Variants in ADGRV1 observed in about 807,000 individuals in gnomAD.
ADGRV1 encodes adhesion G protein-coupled receptor V1.
ADGRV1 carries 359 observed loss-of-function variants against 596.2 expected under a neutral mutation model. The ratio of observed to expected loss-of-function variants is 0.60; its 90% CI spans 0.55 to 0.66. The LOEUF is 0.66. Among genes scored for constraint, ADGRV1 ranks in the 30% least tolerant of loss-of-function variants. ADGRV1 has a pLI of 0.00. For synonymous variants in ADGRV1, 2,681 were observed against 2,679.2 expected (o/e 1.00, Z -0.02); for missense variants, 7,274 against 7,575.6 (o/e 0.96, Z 1.48).
Position 90,688,870 on chromosome 5 carries a change from G to T in ADGRV1, c.6491-991G>T, listed in dbSNP as rs532643652. ...GCTTTCAGTGCTTGGCAACAGTCTT[G>T]TCTCTGGATCCCTTTATCTTCTTGC... On this transcript the variant is annotated intron_variant, in intron 29 of 89. Coordinates refer to ENST00000405460, the MANE Select transcript of ADGRV1 (RefSeq NM_032119.4). Among the ~76,000 whole-genome samples the T allele has an allele frequency of 9.8e-5, 15 of 152,300 alleles. 1 individual carries two copies. In the South Asian group the frequency reaches 2.9e-3, roughly 29 times the overall value.
intron 49 of ADGRV1, among the ~76,000 whole-genome samples, 193 bp downstream of exon 49, chr5:90,729,126 G>T (rs1393550429): frequency 6.6e-6 from 1 of 152,098 alleles, no homozygotes; most frequent in Non-Finnish European, 1.5e-5. Flanking sequence ...CCCTAATCTT[G>T]TGTTCTGACT....
intron 1 of ADGRV1, among the ~76,000 whole-genome samples, chr5:90,603,872 G>A (rs1191848938): frequency 3.7e-5 from 5 of 134,830 alleles, no homozygotes; most frequent in East Asian, 4.7e-4. Context: ...GGTGGTGAGC[G>A]TGCATGTGTG....
intron 1 of ADGRV1, among the ~76,000 whole-genome samples, chr5:90,581,515 C>G (rs912049065): frequency 6.6e-6 from 1 of 152,182 alleles, no homozygotes; most frequent in Admixed American, 6.5e-5. Context: ...AGTCAAGTCC[C>G]TCATCTGCAG....
At chr5:90,692,967 A>G (rs564228732) in intron 32 of ADGRV1, among the ~76,000 whole-genome samples, 181 bp downstream of exon 32, 57 of 152,282 alleles carry the variant, frequency 3.7e-4, no homozygotes, top group African/African-American at 1.3e-3. Flanking sequence ...CCTTTCATTT[A>G]TCATACCTAT....
chr5:90,962,839 T>C (rs1343104261), intron 83 of ADGRV1, among the ~76,000 whole-genome samples: 1 of 152,188 alleles, frequency 6.6e-6, no homozygotes, highest in Admixed American at 6.5e-5. Context: ...TAATAAAATA[T>C]CAAATCATAG....
intron 87 of ADGRV1, among the ~76,000 whole-genome samples, chr5:91,129,401 G>C (rs894479932): frequency 1.3e-5 from 2 of 152,160 alleles, no homozygotes; most frequent in African/African-American, 4.8e-5. Context: ...CTAGTTTAAT[G>C]ATGGGTAGGG....
chr5:90,950,723 A>T lies in ADGRV1; in HGVS notation c.17857-14692A>T, dbSNP rs930724722. ...AAATTTTGAGTAACTTAAACCATTG[A>T]GTGATGCACAGATGCTGGAGTAGCG... On this transcript the variant is annotated intron_variant, in intron 83 of 89. Transcript: ENST00000405460. Among the ~76,000 whole-genome samples the T allele has an allele frequency of 2.0e-5, 3 of 152,224 alleles. No individual in the cohort carries two copies. In the South Asian group the frequency reaches 6.2e-4, roughly 31 times the overall value.
intron 21 of ADGRV1, among the ~76,000 whole-genome samples, chr5:90,669,509 A>G (rs1470502865): frequency 6.6e-6 from 1 of 152,234 alleles, no homozygotes. Flanking sequence ...TGTTGTACAC[A>G]TTAAATATTT....
chr5:90,566,176 A>G (rs1755609674), intron 1 of ADGRV1, among the ~76,000 whole-genome samples: 1 of 151,968 alleles, frequency 6.6e-6, no homozygotes, highest in African/African-American at 2.4e-5. Flanking sequence ...TTGTTGAATT[A>G]ATTTATTTAA....
At chr5:90,783,785 A>T in intron 66 of ADGRV1, 53 bp from the exon 67 acceptor site, 1 of 1,339,894 alleles carries the variant, frequency 7.5e-7, no homozygotes. Context: ...TTGGGATTTT[A>T]CAAGCACTTT....
intron 77 of ADGRV1, among the ~76,000 whole-genome samples, chr5:90,831,172 C>T (rs1218586594): frequency 6.6e-6 from 1 of 151,946 alleles, no homozygotes; most frequent in East Asian, 1.9e-4. Flanking sequence ...CTTGAGACTT[C>T]TCAGCCTCCA....
In ADGRV1 at chr5:90,558,895, G is replaced by C. The variant is rs1305620049; in HGVS notation, c.-1G>C. The C allele has an allele frequency of 2.6e-6, 4 of 1,560,022 alleles. No homozygotes were observed. Among genetic ancestry groups the C allele is most frequent in the Non-Finnish European group, 3.5e-6 (4 of 1,151,454 alleles). Reference sequence around the variant, plus strand: ...CGGCGGGGACCGCCGGGAGCGCGCGGATGTCGGTGTTCCTGGGGCCAGGTA... The same window carrying C: ...CGGCGGGGACCGCCGGGAGCGCGCGCATGTCGGTGTTCCTGGGGCCAGGTA... On this transcript the variant is annotated 5_prime_UTR_variant, in exon 1 of 90. Coordinates refer to ENST00000405460, the MANE Select transcript of ADGRV1 (RefSeq NM_032119.4).
At chr5:90,954,169 C>CT (rs70973717) in intron 83 of ADGRV1, among the ~76,000 whole-genome samples, 65,580 of 138,162 alleles carry the variant, frequency 0.47, 16,835 homozygotes, top group Non-Finnish European at 0.59. Flanking sequence ...CCCAGCCTTG[C>CT]TTTTTTTTTT....
At chr5:91,045,704 A>T (rs576971580) in intron 85 of ADGRV1, among the ~76,000 whole-genome samples, 1 of 152,284 alleles carries the variant, frequency 6.6e-6, no homozygotes, top group South Asian at 2.1e-4. Context: ...AAATAAGGGC[A>T]TCCAAATCAG....
In ADGRV1 at chr5:90,639,496, A is replaced by G. The variant is rs1766699019; in HGVS notation, c.2240+1548A>G. ...CTTATGTAAACATTTGAAATTAAGTATAATTTTTAAGGGTTTATTTTGTTC... is the reference window on the plus strand; with the variant it reads ...CTTATGTAAACATTTGAAATTAAGTGTAATTTTTAAGGGTTTATTTTGTTC... On this transcript the variant is annotated intron_variant, in intron 11 of 89. Transcript: ENST00000405460. Among the ~76,000 whole-genome samples, 3 of 152,308 alleles carry G rather than the reference A, an allele frequency of 2.0e-5. No individual in the cohort carries two copies. The South Asian group carries it at 6.2e-4, about 32-fold the overall frequency.
At chr5:90,587,044 T>C (rs1487592605) in intron 1 of ADGRV1, among the ~76,000 whole-genome samples, 2 of 152,238 alleles carry the variant, frequency 1.3e-5, no homozygotes, top group Non-Finnish European at 2.9e-5. Flanking sequence ...GTTTGTGCCC[T>C]AGTTACCTTC....
intron 59 of ADGRV1, among the ~76,000 whole-genome samples, chr5:90,767,953 G>A (rs533114082): frequency 2.6e-5 from 4 of 152,238 alleles, no homozygotes; most frequent in African/African-American, 7.2e-5. Context: ...TCTAGGTTGT[G>A]TGCCCTAGCC....
At chr5:90,816,680 C>T (rs541234979) in intron 75 of ADGRV1, among the ~76,000 whole-genome samples, 72 of 150,328 alleles carry the variant, frequency 4.8e-4, no homozygotes, top group African/African-American at 1.6e-3. Flanking sequence ...TTTGTCCTTG[C>T]GATAGTTTGC....
At chr5:90,923,981 T>C (rs1774154219) in intron 83 of ADGRV1, among the ~76,000 whole-genome samples, 1 of 151,860 alleles carries the variant, frequency 6.6e-6, no homozygotes, top group Non-Finnish European at 1.5e-5. Context: ...TATGGCTGCA[T>C]AGTATTCCAT....
Sources: gnomAD v4.1 joint callset for allele counts (sites outside exome capture counted in the v4.1 genomes callset) on GRCh38, gnomAD v4.1.1 for gene constraint, MANE v1.5 for transcripts, NCBI Gene and HGNC (gene_info 2026-07-23, HGNC 2026-07-21) for gene names.